Variants in CACNA1C observed in about 807,000 individuals in gnomAD.
CACNA1C encodes the protein calcium voltage-gated channel subunit alpha1 C.
In CACNA1C, 30 loss-of-function variants were observed where a neutral mutation model predicts 229.0. The observed-to-expected ratio is 0.13, with a 90% CI of 0.10 to 0.18. The LOEUF is 0.18. Among genes scored for constraint, CACNA1C ranks in the 10% least tolerant of loss-of-function variants. The pLI is 1.00. For synonymous variants in CACNA1C, 1,114 were observed against 1,132.5 expected, an observed-to-expected ratio of 0.98 and a Z score of 0.33; for missense variants, 1,658 against 2,845.0, an observed-to-expected ratio of 0.58 and a Z score of 9.49.
At chr12:2,445,339 C>T (rs1020400355) in intron 3 of CACNA1C, among the ~76,000 whole-genome samples, 1 of 152,224 alleles carries the variant, frequency 6.6e-6, no homozygotes, top group African/African-American at 2.4e-5. Context: ...TGTACCAGTA[C>T]ATCCTTGAGG....
chr12:2,492,273 G>A (rs1285414243), intron 6 of CACNA1C, among the ~76,000 whole-genome samples: 1 of 152,068 alleles, frequency 6.6e-6, no homozygotes, highest in Non-Finnish European at 1.5e-5. Context: ...TTAATTTGCT[G>A]GGAGCTATTC....
In CACNA1C at chr12:2,212,056, G is replaced by A. The variant is rs146063277; in HGVS notation, c.477+91626G>A. Among the ~76,000 whole-genome samples the A allele has an allele frequency of 1.3e-5, 2 of 152,276 alleles. 1 individual carries two copies. The highest frequency in any genetic ancestry group is 4.8e-5 in the African/African-American group (2 of 41,566). ...ACCTTTACGTTATTTACACAAGCTT[G>A]GAGGCCTAGAGGCAGGAGCTGGTAT... On this transcript the variant is annotated intron_variant, in intron 3 of 46. Transcript: ENST00000399655.
At chr12:2,182,317 A>G (rs1017907154) in intron 3 of CACNA1C, among the ~76,000 whole-genome samples, 10 of 152,098 alleles carry the variant, frequency 6.6e-5, no homozygotes, top group Admixed American at 6.5e-4. Flanking sequence ...TGATGGGTTC[A>G]TGCACCCTGG....
intron 9 of CACNA1C, among the ~76,000 whole-genome samples, chr12:2,530,012 A>G (rs2099837083): frequency 6.6e-6 from 1 of 152,246 alleles, no homozygotes; most frequent in African/African-American, 2.4e-5. Flanking sequence ...CTTCAGCACA[A>G]TGCTCATTTC....
intron 13 of CACNA1C, among the ~76,000 whole-genome samples, chr12:2,578,141 T>C (rs940019591): frequency 1.2e-4 from 19 of 152,160 alleles, no homozygotes; most frequent in Non-Finnish European, 2.6e-4. Flanking sequence ...GTGCTGGGAT[T>C]ACAGGCGTGA....
At chr12:2,387,917 C>A (rs1157324620) in intron 3 of CACNA1C, among the ~76,000 whole-genome samples, 7 of 152,140 alleles carry the variant, frequency 4.6e-5, no homozygotes, top group Admixed American at 1.3e-4. Flanking sequence ...ACCAGGGAGC[C>A]CCCTTACCAG....
At chr12:2,004,536 G>C (rs145304746) in intron 1 of CACNA1C, 2 of 1,466,462 alleles carry the variant, frequency 1.4e-6, no homozygotes, top group Non-Finnish European at 1.8e-6. Flanking sequence ...GCGACCACAC[G>C]GCCCGGGAGG....
intron 1 of CACNA1C, among the ~76,000 whole-genome samples, chr12:2,088,462 C>T (rs1228831753): frequency 2.0e-5 from 3 of 152,176 alleles, no homozygotes; most frequent in Admixed American, 2.0e-4. Context: ...GCTGGTTAGT[C>T]CCTCTGTGCC....
chr12:2,688,899 C>T (rs959393727), intron 46 of CACNA1C, 120 bp downstream of exon 46: 8 of 820,490 alleles, frequency 9.8e-6, no homozygotes, highest in African/African-American at 3.5e-5. Context: ...TATCTGAGCC[C>T]GAAAGACCCT....
At chr12:2,235,334 A>T (rs1409269051) in intron 3 of CACNA1C, among the ~76,000 whole-genome samples, 4 of 152,212 alleles carry the variant, frequency 2.6e-5, no homozygotes, top group African/African-American at 9.7e-5. Flanking sequence ...AAAGCCATTC[A>T]GCCGGGGTCC....
At chr12:2,661,132 T>C (rs2095695502) in intron 34 of CACNA1C, among the ~76,000 whole-genome samples, 1 of 152,050 alleles carries the variant, frequency 6.6e-6, no homozygotes, top group Non-Finnish European at 1.5e-5. Flanking sequence ...TGTGGTGCCA[T>C]GTGCCTGTAG....
intron 3 of CACNA1C, among the ~76,000 whole-genome samples, chr12:2,412,938 G>GT: frequency 6.6e-6 from 1 of 152,354 alleles, no homozygotes; most frequent in South Asian, 2.1e-4. Context: ...AATTCAAAAT[G>GT]TAAGTAAAAT....
chr12:2,106,607 C>T (rs2078794645), intron 1 of CACNA1C, among the ~76,000 whole-genome samples: 1 of 112,172 alleles, frequency 8.9e-6, no homozygotes. Flanking sequence ...AGAGGGTTTC[C>T]ACCTCAGCTG....
chr12:2,185,963 G>C (rs1566224621), intron 3 of CACNA1C, among the ~76,000 whole-genome samples: 1 of 143,214 alleles, frequency 7.0e-6, no homozygotes, highest in East Asian at 1.9e-4. Context: ...CTTGTAGCCT[G>C]ATTGATTGGT....
At chr12:2,106,776 T>TG (rs1408375245) in intron 1 of CACNA1C, among the ~76,000 whole-genome samples, 28 of 124,230 alleles carry the variant, frequency 2.3e-4, no homozygotes, top group African/African-American at 6.3e-4. Context: ...CCACCTCAGC[T>TG]GGGCGTCCTG....
At chr12:2,290,318 G>A (rs765095094) in intron 3 of CACNA1C, among the ~76,000 whole-genome samples, 12 of 152,194 alleles carry the variant, frequency 7.9e-5, no homozygotes, top group Admixed American at 2.0e-4. Context: ...CAGTGCTGGG[G>A]CACTGTCCTC....
At chr12:2,596,750 G>T (rs930843097) in intron 20 of CACNA1C, among the ~76,000 whole-genome samples, 8 of 152,270 alleles carry the variant, frequency 5.3e-5, no homozygotes, top group Admixed American at 5.2e-4. Flanking sequence ...TTGCCCCAGA[G>T]GACATAACCC....
chr12:2,550,640 G>C, intron 10 of CACNA1C: 5 of 1,350,620 alleles, frequency 3.7e-6, no homozygotes, highest in Non-Finnish European at 4.9e-6. Context: ...TGCAAACAGA[G>C]GCTCTGAGTC....
intron 3 of CACNA1C, chr12:2,223,627 TAA>T (rs2062049111): frequency 6.6e-6 from 1 of 152,194 alleles, no homozygotes; most frequent in Non-Finnish European, 1.5e-5. Flanking sequence ...ACAGAGGTAT[TAA>T]TCTAGAGTTT....
Sources: gnomAD v4.1 joint callset for allele counts (sites outside exome capture counted in the v4.1 genomes callset) on GRCh38, gnomAD v4.1.1 for gene constraint, MANE v1.5 for transcripts, NCBI Gene and HGNC (gene_info 2026-07-23, HGNC 2026-07-21) for gene names.